TTC7A: variants seen among roughly 807,000 people sequenced by gnomAD.
TTC7A encodes tetratricopeptide repeat protein 7A.
Under a neutral mutation model 103.7 loss-of-function variants are expected in TTC7A, and 110 were observed. The ratio of observed to expected loss-of-function variants is 1.06; its 90% CI spans 0.91 to 1.24. The LOEUF is 1.24. Ranked by LOEUF, TTC7A falls within the 50% of genes most tolerant of loss-of-function variation. The pLI is 0.00. For synonymous variants in TTC7A, 521 were observed against 467.9 expected, an observed-to-expected ratio of 1.11 and a Z score of -1.47; for missense variants, 1,340 against 1,116.3, an observed-to-expected ratio of 1.20 and a Z score of -2.86.
intron 8 of TTC7A, chr2:46,999,622 T>G (rs1169802933): frequency 3.6e-5 from 35 of 985,282 alleles, no homozygotes; most frequent in Non-Finnish European, 4.1e-5. Context: ...GGTCCCCAAA[T>G]CAGAAGGAAT....
chr2:46,985,805 G>A (rs1401948541), intron 5 of TTC7A, among the ~76,000 whole-genome samples: 4 of 152,184 alleles, frequency 2.6e-5, no homozygotes, highest in Non-Finnish European at 4.4e-5. Context: ...TGAATCATCA[G>A]TTTCAGTATT....
At chr2:46,968,926 GT>G (rs1673102758) in intron 3 of TTC7A, among the ~76,000 whole-genome samples, 2 of 108,236 alleles carry the variant, frequency 1.8e-5, no homozygotes, top group African/African-American at 6.6e-5. Flanking sequence ...CCTCTGTTTT[GT>G]TTTTGTGTTT....
chr2:46,924,006 G>A (rs1572637945), intron 2 of TTC7A, among the ~76,000 whole-genome samples: 1 of 151,932 alleles, frequency 6.6e-6, no homozygotes, highest in Non-Finnish European at 1.5e-5. Context: ...AAAGTGCTGG[G>A]ATTACAGGTG....
At chr2:47,015,140 C>T (rs1331732569) in intron 11 of TTC7A, among the ~76,000 whole-genome samples, 3 of 152,246 alleles carry the variant, frequency 2.0e-5, no homozygotes, top group African/African-American at 7.2e-5. Flanking sequence ...CTCAGTGACG[C>T]CAGCACTGAA....
chr2:47,060,457 C>A (rs571212880), intron 18 of TTC7A, among the ~76,000 whole-genome samples: 6 of 152,208 alleles, frequency 3.9e-5, no homozygotes, highest in African/African-American at 1.2e-4. Context: ...ACAAAGGATA[C>A]CCTGTCTCAA....
intron 19 of TTC7A, among the ~76,000 whole-genome samples, chr2:47,064,028 C>T (rs1241955117): frequency 6.6e-6 from 1 of 152,250 alleles, no homozygotes; most frequent in Non-Finnish European, 1.5e-5. Context: ...TCCCTGTCCC[C>T]CTGTCGGTGC....
At chr2:47,050,234 C>T in intron 17 of TTC7A, 188 bp downstream of exon 17, 3 of 590,816 alleles carry the variant, frequency 5.1e-6, no homozygotes, top group South Asian at 3.9e-5. Context: ...GCTGGTCCCA[C>T]AGTGGGCAGT....
chr2:47,046,814 T>G, intron 16 of TTC7A: 1 of 238,694 alleles, frequency 4.2e-6, no homozygotes, highest in Non-Finnish European at 8.1e-6. Context: ...ATATATAGCT[T>G]ACCAGAATCA....
intron 18 of TTC7A, chr2:47,054,026 A>C: frequency 3.5e-6 from 3 of 850,710 alleles, no homozygotes; most frequent in Non-Finnish European, 4.2e-6. Flanking sequence ...TGGGAATGTC[A>C]AGAGAAACAC....
At chr2:46,929,171 GAAAAC>G (rs145086504) in intron 2 of TTC7A, among the ~76,000 whole-genome samples, 8,272 of 151,974 alleles carry the variant, frequency 0.054, 356 homozygotes, top group African/African-American at 0.11. Flanking sequence ...CCCAAAAAAA[GAAAAC>G]AAAACAAAAC....
rs552189649 is a variant in TTC7A, at chr2:47,061,991, C to A, written c.2355+1020C>A. Among the ~76,000 whole-genome samples, 28 of 152,308 alleles carry A rather than the reference C, an allele frequency of 1.8e-4. No homozygotes were observed. In the South Asian group the frequency reaches 5.4e-3, roughly 29 times the overall value. On this transcript the variant is annotated intron_variant, in intron 19 of 19. Coordinates refer to ENST00000319190, the MANE Select transcript of TTC7A (RefSeq NM_020458.4). ...TTAAGGAGAACAGCCATTAGGGTAT[C>A]CCTGACGTCTTCTGGCACGTAGAGA...
upstream of TTC7A, among the ~76,000 whole-genome samples, chr2:46,938,781 A>AGGCG (rs988117435): frequency 6.6e-6 from 1 of 152,170 alleles, no homozygotes; most frequent in African/African-American, 2.4e-5. Flanking sequence ...TGGGAGGCCA[A>AGGCG]GGCGGGCAGA....
At chr2:46,928,008 C>T (rs932465715) in intron 2 of TTC7A, among the ~76,000 whole-genome samples, 2 of 150,754 alleles carry the variant, frequency 1.3e-5, no homozygotes, top group Non-Finnish European at 2.9e-5. Flanking sequence ...ATCCTCCCAC[C>T]TCTGCCTCCT....
At chr2:46,976,209 C>T (rs1572785116) in intron 4 of TTC7A, among the ~76,000 whole-genome samples, 1 of 152,372 alleles carries the variant, frequency 6.6e-6, no homozygotes, top group East Asian at 1.9e-4. Flanking sequence ...AACCCTCACA[C>T]TGACTGGATG....
At chr2:47,071,642 ATTCCAACCTGGCCAGGGC>A (rs1212552068) in intron 19 of TTC7A, among the ~76,000 whole-genome samples, 2 of 152,124 alleles carry the variant, frequency 1.3e-5, no homozygotes, top group African/African-American at 4.8e-5. Flanking sequence ...CAGAGCTGGG[ATTCCAACCTGGCCAGGGC>A]TTCCGGCCAG....
chr2:47,067,307 A>G (rs995946795), intron 19 of TTC7A, among the ~76,000 whole-genome samples: 1 of 152,270 alleles, frequency 6.6e-6, no homozygotes. Context: ...CTGTGAAAAG[A>G]TAAGTCAACG....
At chr2:46,919,580 C>T (rs1408983472) in intron 2 of TTC7A, among the ~76,000 whole-genome samples, 3 of 152,218 alleles carry the variant, frequency 2.0e-5, no homozygotes, top group African/African-American at 4.8e-5. Flanking sequence ...GATTACTATA[C>T]ATGAAATTGA....
At chr2:46,984,162 C>A (rs1029761765) in intron 5 of TTC7A, among the ~76,000 whole-genome samples, 1 of 152,190 alleles carries the variant, frequency 6.6e-6, no homozygotes, top group Non-Finnish European at 1.5e-5. Context: ...TTGGTAGAGC[C>A]AGGATTCTGT....
intron 19 of TTC7A, among the ~76,000 whole-genome samples, chr2:47,065,428 A>G (rs1684105829): frequency 6.6e-6 from 1 of 152,228 alleles, no homozygotes; most frequent in African/African-American, 2.4e-5. Context: ...AGACAAATCA[A>G]TGGGAAACTA....
Sources: allele counts gnomAD v4.1 joint callset (sites outside exome capture counted in the v4.1 genomes callset), GRCh38; gene constraint gnomAD v4.1.1; transcripts MANE v1.5; gene names NCBI Gene and HGNC (gene_info 2026-07-23, HGNC 2026-07-21).